The following TASP1 variants were observed in gnomAD, a reference collection of about 807,000 sequenced individuals.
TASP1 encodes the protein threonine aspartase 1.
Under a neutral mutation model 56.6 loss-of-function variants are expected in TASP1, and 16 were observed. The observed-to-expected ratio is 0.28, with a 90% confidence interval of 0.19 to 0.43. The LOEUF (loss-of-function observed/expected upper bound fraction) is 0.43, where lower values mean the gene tolerates loss of function less well. Ranked by LOEUF, TASP1 falls within the 20% of genes least tolerant of loss-of-function variation. TASP1 has a pLI of 1.00. For synonymous variants in TASP1, 179 were observed against 184.2 expected (o/e 0.97, Z 0.23); for missense variants, 393 against 511.6 (o/e 0.77, Z 2.24).
chr20:13,173,803 T>G, the TASP1 span, among the ~76,000 whole-genome samples: 1 of 152,326 alleles, frequency 6.6e-6, no homozygotes, highest in East Asian at 1.9e-4. Flanking sequence ...TGGAATTGCC[T>G]CTTTTAAAAT....
At chr20:13,279,723 C>T in the TASP1 span, 26 of 1,613,914 alleles carry the variant, frequency 1.6e-5, no homozygotes, top group Non-Finnish European at 2.1e-5. Context: ...TCCCATCCCC[C>T]GACTGGCGGG....
chr20:13,436,476 T>C (rs1005977673), intron 11 of TASP1, among the ~76,000 whole-genome samples: 1 of 152,028 alleles, frequency 6.6e-6, no homozygotes. Context: ...ACTCCTGATC[T>C]AGAACAGGAG....
the TASP1 span, among the ~76,000 whole-genome samples, chr20:13,321,738 C>T: frequency 6.6e-6 from 1 of 152,218 alleles, no homozygotes; most frequent in African/African-American, 2.4e-5. Flanking sequence ...CTATTTTTCA[C>T]ATGTATGTAC....
the TASP1 span, among the ~76,000 whole-genome samples, chr20:13,227,599 C>T: frequency 2.6e-5 from 4 of 151,388 alleles, no homozygotes; most frequent in Non-Finnish European, 5.9e-5. Context: ...AACTCTGCCT[C>T]CTGGCTTCAC....
At chr20:13,570,814 T>C (rs2046685615) in intron 6 of TASP1, among the ~76,000 whole-genome samples, 1 of 152,178 alleles carries the variant, frequency 6.6e-6, no homozygotes, top group South Asian at 2.1e-4. Context: ...AATGTTAAGA[T>C]GACTGAAATA....
chr20:13,168,581 A>G, the TASP1 span: 1 of 152,226 alleles, frequency 6.6e-6, no homozygotes, highest in Non-Finnish European at 1.5e-5. Flanking sequence ...CAGTAGGGTA[A>G]AAGTCTTAAC....
the TASP1 span, among the ~76,000 whole-genome samples, chr20:13,106,601 G>C: frequency 6.6e-5 from 10 of 152,132 alleles, no homozygotes; most frequent in African/African-American, 2.4e-4. Context: ...GCTATATCAG[G>C]AAGGGCCATT....
At chr20:13,587,140 A>G (rs1413273109) in intron 5 of TASP1, 110 bp downstream of exon 5, 1 of 1,328,070 alleles carries the variant, frequency 7.5e-7, no homozygotes, top group East Asian at 2.5e-5. Context: ...CATTTGTTTT[A>G]AACACTATTC....
At chr20:13,567,664 G>A (rs1429688460) in intron 7 of TASP1, among the ~76,000 whole-genome samples, 3 of 152,100 alleles carry the variant, frequency 2.0e-5, no homozygotes. Flanking sequence ...CAATATTTGT[G>A]AGTCTTGCAT....
At chr20:13,188,707 A>G in the TASP1 span, among the ~76,000 whole-genome samples, 1 of 152,328 alleles carries the variant, frequency 6.6e-6, no homozygotes, top group South Asian at 2.1e-4. Flanking sequence ...ATACAGAACC[A>G]CAAAAGACCC....
intron 7 of TASP1, among the ~76,000 whole-genome samples, chr20:13,559,992 G>A (rs2046288313): frequency 1.3e-5 from 2 of 152,128 alleles, no homozygotes; most frequent in Admixed American, 1.3e-4. Context: ...TTTATGCTCA[G>A]AGAAAGAAAA....
At chr20:13,423,422 C>T (rs997399196) in intron 12 of TASP1, among the ~76,000 whole-genome samples, 5 of 152,050 alleles carry the variant, frequency 3.3e-5, no homozygotes, top group African/African-American at 9.7e-5. Flanking sequence ...CTACTTATTG[C>T]TTTTTAACAA....
chr20:13,401,024 A>T (rs1158704466), intron 13 of TASP1, among the ~76,000 whole-genome samples: 1 of 152,204 alleles, frequency 6.6e-6, no homozygotes, highest in African/African-American at 2.4e-5. Flanking sequence ...ATGCCTGTGA[A>T]GCAGGTCAGG....
the TASP1 span, among the ~76,000 whole-genome samples, chr20:13,204,990 A>G: frequency 6.6e-6 from 1 of 151,820 alleles, no homozygotes; most frequent in African/African-American, 2.4e-5. Context: ...GATACCTAGG[A>G]CCTTGTGGGG....
the TASP1 span, among the ~76,000 whole-genome samples, chr20:13,383,579 G>C: frequency 6.6e-6 from 1 of 152,134 alleles, no homozygotes; most frequent in South Asian, 2.1e-4. Context: ...CCTGTAGAAG[G>C]CCTGGTAGTT....
the TASP1 span, among the ~76,000 whole-genome samples, chr20:13,163,157 C>G: frequency 1.3e-5 from 2 of 152,030 alleles, no homozygotes; most frequent in African/African-American, 4.8e-5. Flanking sequence ...GACCTGAGGT[C>G]AGGAGTTCGA....
intron 6 of TASP1, among the ~76,000 whole-genome samples, chr20:13,573,000 A>G (rs1361998822): frequency 1.3e-5 from 2 of 152,190 alleles, no homozygotes; most frequent in Non-Finnish European, 1.5e-5. Context: ...CTCTGGACTC[A>G]AGAACTGATT....
chr20:13,327,404 G>A, the TASP1 span, among the ~76,000 whole-genome samples: 1 of 152,030 alleles, frequency 6.6e-6, no homozygotes, highest in African/African-American at 2.4e-5. Context: ...TAGATTCAGT[G>A]CTATCCCATT....
At chr20:13,201,425 T>G in the TASP1 span, among the ~76,000 whole-genome samples, 4 of 152,102 alleles carry the variant, frequency 2.6e-5, no homozygotes, top group Non-Finnish European at 4.4e-5. Flanking sequence ...TTTGAATAAC[T>G]GGGTGGATGA....
Sources: allele counts gnomAD v4.1 joint callset (sites outside exome capture counted in the v4.1 genomes callset), GRCh38; gene constraint gnomAD v4.1.1; transcripts MANE v1.5; gene names NCBI Gene and HGNC (gene_info 2026-07-23, HGNC 2026-07-21).